ZDHHC16: variants seen among roughly 807,000 people sequenced by gnomAD.
The protein encoded by ZDHHC16 is zDHHC palmitoyltransferase 16, also known as palmitoyltransferase ZDHHC16.
In ZDHHC16, 33 loss-of-function variants were observed where a neutral mutation model predicts 54.4. That is an observed-to-expected ratio of 0.61 (90% confidence interval 0.46 to 0.81). ZDHHC16 has a LOEUF of 0.81. Among genes scored for constraint, ZDHHC16 ranks in the 30% least tolerant of loss-of-function variants. ZDHHC16 has a pLI of 0.00. For synonymous variants in ZDHHC16, 185 were observed against 182.1 expected (o/e 1.02, Z -0.13); for missense variants, 420 against 485.9 (o/e 0.86, Z 1.28).
intron 2 of ZDHHC16, 38 bp from the exon 3 acceptor site, chr10:97,451,633 G>A (rs1288505091): frequency 6.4e-7 from 1 of 1,573,138 alleles, no homozygotes; most frequent in Non-Finnish European, 8.6e-7. Flanking sequence ...AGGGAGGGAG[G>A]GCTCAGACTA....
chr10:97,453,936 T>C (rs1212065316), intron 8 of ZDHHC16, 90 bp downstream of exon 8: 1 of 1,571,302 alleles, frequency 6.4e-7, no homozygotes, highest in Non-Finnish European at 8.7e-7. Context: ...CCCATGTAGT[T>C]GTAGAGGCTG....
At chr10:97,453,756 A>C in intron 7 of ZDHHC16, 43 bp from the exon 8 acceptor site, 1 of 1,614,222 alleles carries the variant, frequency 6.2e-7, no homozygotes, top group South Asian at 1.1e-5. Context: ...ACCCCATCCT[A>C]GAGGCCTGAG....
At chr10:97,454,909 C>CT in intron 9 of ZDHHC16, 110 bp downstream of exon 9, 2 of 916,368 alleles carry the variant, frequency 2.2e-6, no homozygotes, top group Non-Finnish European at 3.5e-6. Context: ...CTGCTCTAGT[C>CT]TAACTTAGGT....
At chr10:97,451,956 G>C (rs752979081) in intron 3 of ZDHHC16, 38 bp downstream of exon 3, 1 of 1,591,562 alleles carries the variant, frequency 6.3e-7, no homozygotes, top group South Asian at 1.2e-5. Context: ...GGGGTGTTGT[G>C]GGGAGCAGAG....
At chr10:97,456,415 CTG>C (rs1344893905) in intron 11 of ZDHHC16, 5 of 308,534 alleles carry the variant, frequency 1.6e-5, no homozygotes, top group Non-Finnish European at 3.0e-5. Context: ...AAGACAGTAA[CTG>C]GAGCTAGCTC....
At chr10:97,456,737 G>GA (rs778931475) in intron 11 of ZDHHC16, 40 bp from the exon 12 acceptor site, 6 of 1,477,920 alleles carry the variant, frequency 4.1e-6, no homozygotes, top group Non-Finnish European at 5.6e-6. Flanking sequence ...GAAGGACCAA[G>GA]AATTCTTGAA....
chr10:97,447,711 C>T (rs963539618), intron 1 of ZDHHC16, among the ~76,000 whole-genome samples: 1 of 152,148 alleles, frequency 6.6e-6, no homozygotes, highest in African/African-American at 2.4e-5. Context: ...CACCTGAGGT[C>T]GGGAGTTTGA....
rs371597767 is a variant in ZDHHC16, at chr10:97,451,674, C to A, written c.-2C>A. ...TCACAATGGTGTGCTCTCGTAGGAA[C>A]CATGCGAGGCCAGCGGAGCCTGCTG... On this transcript the variant is annotated 5_prime_UTR_variant, in exon 3 of 12. Coordinates refer to ENST00000393760, the MANE Select transcript of ZDHHC16 (RefSeq NM_198046.3). The A allele has an allele frequency of 1.2e-6, 2 of 1,608,118 alleles. No individual in the cohort carries two copies. Among genetic ancestry groups the A allele is most frequent in the Non-Finnish European group, 1.7e-6 (2 of 1,178,038 alleles).
intron 10 of ZDHHC16, 68 bp downstream of exon 10, chr10:97,455,851 C>T: frequency 6.2e-7 from 1 of 1,603,630 alleles, no homozygotes; most frequent in Non-Finnish European, 8.5e-7. Context: ...AAACAGAGGC[C>T]ATGGGCAGGG....
chr10:97,456,761 C>A lies in ZDHHC16; in HGVS notation c.1020-16C>A, dbSNP rs1285432201. The A allele has an allele frequency of 6.4e-7, 1 of 1,572,074 alleles. No homozygotes were observed. Among genetic ancestry groups the A allele is most frequent in the Admixed American group, 1.7e-5 (1 of 57,942 alleles). On this transcript the variant is annotated splice_polypyrimidine_tract_variant and intron_variant, in intron 11 of 11. Coordinates refer to ENST00000393760, the MANE Select transcript of ZDHHC16 (RefSeq NM_198046.3). ...AGAATTCTTGAACTCAGAGACATTT[C>A]TCTCTTCTCTTCTAGGCACTGGCTT...
At chr10:97,453,419 CT>C in intron 6 of ZDHHC16, 110 bp from the exon 7 acceptor site, 1 of 1,444,010 alleles carries the variant, frequency 6.9e-7, no homozygotes, top group Non-Finnish European at 9.4e-7. Flanking sequence ...TTCTTAGTGA[CT>C]GGAAGCCTGA....
chr10:97,449,848 A>G (rs1181735464), intron 1 of ZDHHC16, among the ~76,000 whole-genome samples: 4 of 77,638 alleles, frequency 5.2e-5, no homozygotes, highest in Non-Finnish European at 1.0e-4. Flanking sequence ...TCTTTTCTAC[A>G]CTCCCCTTAA....
At chr10:97,456,579 G>A (rs757807336) in intron 11 of ZDHHC16, among the ~76,000 whole-genome samples, 198 bp from the exon 12 acceptor site, 13 of 152,170 alleles carry the variant, frequency 8.5e-5, no homozygotes, top group Non-Finnish European at 1.5e-4. Flanking sequence ...AGTTTAGCTC[G>A]AAACCTTAAA....
chr10:97,453,734 G>A, intron 7 of ZDHHC16, 65 bp from the exon 8 acceptor site: 1 of 1,614,156 alleles, frequency 6.2e-7, no homozygotes. Context: ...CCTAAGGAAT[G>A]GGGCTGGTAG....
intron 1 of ZDHHC16, among the ~76,000 whole-genome samples, chr10:97,447,389 G>C (rs1846179995): frequency 6.6e-6 from 1 of 152,166 alleles, no homozygotes; most frequent in Non-Finnish European, 1.5e-5. Flanking sequence ...TTCCCATTGG[G>C]AAACAGATGT....
intron 8 of ZDHHC16, among the ~76,000 whole-genome samples, chr10:97,454,311 G>T (rs182498511): frequency 6.6e-6 from 1 of 152,068 alleles, no homozygotes; most frequent in Non-Finnish European, 1.5e-5. Context: ...ACAGTCCCTA[G>T]TGGAGCTCAC....
At chr10:97,449,540 T>C (rs900072912) in intron 1 of ZDHHC16, among the ~76,000 whole-genome samples, 1 of 152,140 alleles carries the variant, frequency 6.6e-6, no homozygotes, top group Non-Finnish European at 1.5e-5. Context: ...AGCTTTTAAT[T>C]TTTTTTGAGG....
rs1019028835 is a variant in ZDHHC16 at position 97,452,460 on chromosome 10, T to G, written c.484T>G (p.Tyr162Asp). ...ATVSICKKCI[Y>D]PKPARTHHCS... ...CGTCTCCATCTGTAAGAAGTGCATTTACCCCAAGCCAGCCCGAACACACCA... is the reference window on the plus strand; with the variant it reads ...CGTCTCCATCTGTAAGAAGTGCATTGACCCCAAGCCAGCCCGAACACACCA... The change falls in exon 5 of 12, where the codon TAC becomes GAC. Residue 162 changes from tyrosine to aspartate, a missense_variant. Tyr to Asp is a radical substitution (Grantham distance 160). Transcript: ENST00000393760. The G allele has an allele frequency of 1.1e-5, 17 of 1,614,114 alleles. No homozygotes were observed. The highest frequency in any genetic ancestry group is 1.3e-5 in the African/African-American group (1 of 74,946).
chr10:97,457,065 C>CA lies in ZDHHC16; in HGVS notation c.*175dup. On this transcript the variant is annotated 3_prime_UTR_variant, in exon 12 of 12. Coordinates refer to ENST00000393760, the MANE Select transcript of ZDHHC16 (RefSeq NM_198046.3). ...CCTTTTTACCACTGCAGAAGAAAGA[C>CA]ACAATGTGGAGAAATCTTAGGACTG... 4.6e-6 allele frequency: 2 copies of CA among 436,888 alleles called. No individual in the cohort carries two copies. 27.1% of individuals were successfully genotyped at this position (436,888 alleles called of 1,614,324 possible). A position where few individuals can be genotyped will look rare whatever the true frequency, so the allele number is the denominator to read the frequency against.
Sources: allele counts gnomAD v4.1 joint callset (sites outside exome capture counted in the v4.1 genomes callset), GRCh38; gene constraint gnomAD v4.1.1; transcripts MANE v1.5; gene names NCBI Gene and HGNC (gene_info 2026-07-23, HGNC 2026-07-21).